Variants in NCAM2 observed in about 807,000 individuals in gnomAD.
NCAM2 encodes the protein neural cell adhesion molecule 2.
In NCAM2, 30 loss-of-function variants were observed where a neutral mutation model predicts 98.1. That is an observed-to-expected ratio of 0.31 (90% CI 0.23 to 0.41). The LOEUF is 0.41. NCAM2 is among the 10% of genes least tolerant of loss of function. The probability of loss-of-function intolerance (pLI) is 1.00; values close to 1 mark genes in which losing one functional copy is unlikely to be tolerated. For missense variants in NCAM2, 867 were observed against 1,005.8 expected (o/e 0.86, Z 1.87); for synonymous variants, 368 against 342.4 (o/e 1.07, Z -0.83).
Position 21,023,039 on chromosome 21 carries a change from A to G in NCAM2, c.55+24421A>G, listed in dbSNP as rs369877281. Among the ~76,000 whole-genome samples the G allele has an allele frequency of 1.4e-4, 21 of 152,364 alleles. No homozygotes were observed. The South Asian group carries it at 3.9e-3, about 29-fold the overall frequency. ...CATATATGGTCATAGTCTGAAAGAC[A>G]TATATACAACAGTAAGCTTTATACC... On this transcript the variant is annotated intron_variant, in intron 1 of 17. Coordinates refer to ENST00000400546, the MANE Select transcript of NCAM2 (RefSeq NM_004540.5).
At chr21:21,104,534 G>A (rs1474161641) in intron 1 of NCAM2, among the ~76,000 whole-genome samples, 2 of 151,872 alleles carry the variant, frequency 1.3e-5, no homozygotes, top group Non-Finnish European at 2.9e-5. Flanking sequence ...ATATATTTTA[G>A]TAAAGAAGAG....
chr21:21,113,413 G>A (rs950398354), intron 1 of NCAM2, among the ~76,000 whole-genome samples: 3 of 151,748 alleles, frequency 2.0e-5, no homozygotes, highest in Non-Finnish European at 4.4e-5. Flanking sequence ...AGCACTTAAC[G>A]GTGCACTATT....
intron 1 of NCAM2, among the ~76,000 whole-genome samples, chr21:21,059,192 G>A (rs567504606): frequency 5.9e-5 from 9 of 151,996 alleles, no homozygotes; most frequent in Middle Eastern, 6.8e-3. Context: ...CAGTATTTGA[G>A]ATATAAGAGA....
intron 1 of NCAM2, among the ~76,000 whole-genome samples, chr21:21,116,577 G>C (rs1343679743): frequency 6.6e-6 from 1 of 152,116 alleles, no homozygotes; most frequent in African/African-American, 2.4e-5. Context: ...CAATGTGTCC[G>C]GGCGCAGCGG....
chr21:21,319,092 G>A (rs1179469504), intron 5 of NCAM2, among the ~76,000 whole-genome samples: 2 of 151,984 alleles, frequency 1.3e-5, no homozygotes, highest in Non-Finnish European at 2.9e-5. Context: ...ATGTCAGCTT[G>A]GGTGACAGAG....
At chr21:21,188,767 G>T (rs1302803273) in intron 1 of NCAM2, among the ~76,000 whole-genome samples, 2 of 152,112 alleles carry the variant, frequency 1.3e-5, no homozygotes, top group Non-Finnish European at 2.9e-5. Context: ...TGGATCACAG[G>T]ATACATAAGA....
chr21:21,010,672 A>T (rs549616447), intron 1 of NCAM2, among the ~76,000 whole-genome samples: 3 of 152,062 alleles, frequency 2.0e-5, no homozygotes, highest in Non-Finnish European at 4.4e-5. Flanking sequence ...GTCAAGTTTC[A>T]CTTGAGCTTT....
At chr21:21,266,710 G>A (rs144510204) in intron 1 of NCAM2, among the ~76,000 whole-genome samples, 3 of 152,068 alleles carry the variant, frequency 2.0e-5, no homozygotes, top group Admixed American at 6.6e-5. Flanking sequence ...ATCACACACC[G>A]GGGCCTGTTG....
At chr21:21,068,788 C>T (rs113326876) in intron 1 of NCAM2, among the ~76,000 whole-genome samples, 2,472 of 152,174 alleles carry the variant, frequency 0.016, 69 homozygotes, top group African/African-American at 0.055. Flanking sequence ...TTATTATCTG[C>T]GTAACGGGTG....
intron 1 of NCAM2, among the ~76,000 whole-genome samples, chr21:21,150,964 G>T (rs2067430498): frequency 8.0e-6 from 1 of 124,982 alleles, no homozygotes. Context: ...TTTTTTTGTG[G>T]GAAGATTTTA....
intron 12 of NCAM2, among the ~76,000 whole-genome samples, chr21:21,448,211 GC>G (rs2146114029): frequency 1.3e-5 from 2 of 152,194 alleles, no homozygotes; most frequent in South Asian, 4.1e-4. Flanking sequence ...ATACTATGCA[GC>G]CATAGAAAGG....
chr21:21,322,035 A>T (rs2147784430), intron 5 of NCAM2, among the ~76,000 whole-genome samples: 1 of 152,328 alleles, frequency 6.6e-6, no homozygotes, highest in African/African-American at 2.4e-5. Context: ...TATTCACAAT[A>T]GCAAGGACAT....
chr21:21,063,862 T>C (rs897544253), intron 1 of NCAM2, among the ~76,000 whole-genome samples: 2 of 152,176 alleles, frequency 1.3e-5, no homozygotes, highest in Middle Eastern at 3.2e-3. Context: ...GTTAAAAAAT[T>C]TGTATAAAGT....
chr21:21,127,497 T>C (rs2066851140), intron 1 of NCAM2, among the ~76,000 whole-genome samples: 1 of 152,132 alleles, frequency 6.6e-6, no homozygotes, highest in African/African-American at 2.4e-5. Flanking sequence ...TTTTGAAATC[T>C]ACTATAATTT....
chr21:21,419,752 G>C (rs1483440635), intron 11 of NCAM2, among the ~76,000 whole-genome samples: 1 of 151,994 alleles, frequency 6.6e-6, no homozygotes, highest in Non-Finnish European at 1.5e-5. Flanking sequence ...TCTTAATCCA[G>C]TCTATCATTG....
At chr21:21,261,554 C>T (rs553164998) in intron 1 of NCAM2, among the ~76,000 whole-genome samples, 4 of 152,066 alleles carry the variant, frequency 2.6e-5, no homozygotes, top group Admixed American at 6.6e-5. Context: ...ACTCTCAAAA[C>T]CACACAATTA....
At chr21:21,125,465 G>T (rs1425041270) in intron 1 of NCAM2, among the ~76,000 whole-genome samples, 1 of 2,466 alleles carries the variant, frequency 4.1e-4, no homozygotes, top group Non-Finnish European at 1.4e-3. Context: ...TATAGAGACA[G>T]ATATATATAT....
intron 11 of NCAM2, among the ~76,000 whole-genome samples, chr21:21,425,004 C>G (rs1325827346): frequency 1.6e-5 from 2 of 127,596 alleles, no homozygotes; most frequent in Non-Finnish European, 3.1e-5. Flanking sequence ...CCATTACACT[C>G]TAGCCTGGGC....
At position 21,227,928 on chromosome 21, in the gene NCAM2, T is replaced by C. The variant is rs535188518; in HGVS notation, c.56-52650T>C. Among the ~76,000 whole-genome samples, 9 of 151,836 alleles carry C rather than the reference T, an allele frequency of 5.9e-5. No homozygotes were observed. In the South Asian group the frequency reaches 1.9e-3, roughly 31 times the overall value. ...TAAGTAAGGGAAACAAGATAAATAA[T>C]ACAACTAATGACTTTTAATGAATTT... On this transcript the variant is annotated intron_variant, in intron 1 of 17. Coordinates refer to ENST00000400546, the MANE Select transcript of NCAM2 (RefSeq NM_004540.5).
Sources: allele counts gnomAD v4.1 joint callset (sites outside exome capture counted in the v4.1 genomes callset), GRCh38; gene constraint gnomAD v4.1.1; transcripts MANE v1.5; gene names NCBI Gene and HGNC (gene_info 2026-07-23, HGNC 2026-07-21).